PPFIA2: variants seen among roughly 807,000 people sequenced by gnomAD.
PPFIA2 encodes PPFI scaffold protein A2.
PPFIA2 carries 46 observed loss-of-function variants against 175.5 expected under a neutral mutation model. That is an observed-to-expected ratio of 0.26 (90% CI 0.21 to 0.34). PPFIA2 has a LOEUF of 0.34. Among genes scored for constraint, PPFIA2 ranks in the 10% least tolerant of loss-of-function variants. The pLI is 1.00. For missense variants in PPFIA2, 1,179 were observed against 1,506.1 expected (o/e 0.78, Z 3.60); for synonymous variants, 568 against 511.4 (o/e 1.11, Z -1.49).
chr12:81,471,107 CTTTATTTATTTATTTATTTATTTA>C (rs71098146), intron 4 of PPFIA2: 10 of 140,492 alleles, frequency 7.1e-5, no homozygotes, highest in African/African-American at 5.3e-5. Flanking sequence ...TTTGTCTTTC[CTTTATTTATTTATTTATTTATTTA>C]TTTATTTATT....
intron 16 of PPFIA2, among the ~76,000 whole-genome samples, chr12:81,355,794 G>C (rs1400145537): frequency 6.6e-6 from 1 of 152,154 alleles, no homozygotes; most frequent in Non-Finnish European, 1.5e-5. Context: ...TAAATGAGGA[G>C]AGTTATGGTC....
chr12:81,275,268 G>A (rs2040216303), intron 28 of PPFIA2, among the ~76,000 whole-genome samples: 1 of 152,154 alleles, frequency 6.6e-6, no homozygotes, highest in Admixed American at 6.5e-5. Flanking sequence ...TTTTGATAAT[G>A]GAAAAGCACT....
intron 27 of PPFIA2, among the ~76,000 whole-genome samples, chr12:81,278,653 C>T (rs755625108): frequency 6.6e-6 from 1 of 151,800 alleles, no homozygotes; most frequent in Non-Finnish European, 1.5e-5. Context: ...TTCAGTTCTG[C>T]CAAAATAGGG....
intron 8 of PPFIA2, among the ~76,000 whole-genome samples, chr12:81,385,187 T>A (rs1029250424): frequency 6.6e-6 from 1 of 152,118 alleles, no homozygotes; most frequent in Non-Finnish European, 1.5e-5. Context: ...GAATGGCTAT[T>A]AGCAAAAAGC....
At chr12:81,671,353 C>T in intron 4 of PPFIA2, among the ~76,000 whole-genome samples, 1 of 151,820 alleles carries the variant, frequency 6.6e-6, no homozygotes, top group Middle Eastern at 3.2e-3. Flanking sequence ...ACCTTACAGG[C>T]TTTTATTAAC....
chr12:81,292,268 C>G (rs1330290035), intron 24 of PPFIA2: 1 of 152,066 alleles, frequency 6.6e-6, no homozygotes, highest in African/African-American at 2.4e-5. Context: ...ACTCAGCAAA[C>G]TCTTCATCAG....
intron 8 of PPFIA2, among the ~76,000 whole-genome samples, chr12:81,402,089 CA>C (rs1190564203): frequency 6.6e-6 from 1 of 152,136 alleles, no homozygotes; most frequent in East Asian, 1.9e-4. Context: ...CGACACAAAA[CA>C]TCTTCTTTGG....
At chr12:81,486,982 T>C (rs1239641473) in intron 4 of PPFIA2, among the ~76,000 whole-genome samples, 1 of 151,952 alleles carries the variant, frequency 6.6e-6, no homozygotes, top group Non-Finnish European at 1.5e-5. Context: ...AGATTTCTTT[T>C]AAAAATACAT....
At chr12:81,376,089 AT>A (rs2036292238) in intron 9 of PPFIA2, 147 bp from the exon 10 acceptor site, 2 of 761,082 alleles carry the variant, frequency 2.6e-6, no homozygotes, top group Non-Finnish European at 4.1e-6. Flanking sequence ...CGAATGTGAG[AT>A]TGCAGGTGCA....
At chr12:81,520,521 CT>C (rs773944372) in intron 4 of PPFIA2, among the ~76,000 whole-genome samples, 3 of 152,186 alleles carry the variant, frequency 2.0e-5, no homozygotes, top group Admixed American at 6.5e-5. Flanking sequence ...GCAATAAACA[CT>C]TGTTCTTTCC....
intron 5 of PPFIA2, among the ~76,000 whole-genome samples, chr12:81,453,590 T>C (rs905161914): frequency 3.9e-5 from 6 of 152,142 alleles, no homozygotes; most frequent in African/African-American, 1.2e-4. Flanking sequence ...TTTATCAGTA[T>C]AAAAATATTG....
chr12:81,685,329 TGGGAGGCATAGAATAAGCAGGAAAC>T (rs1384206399), intron 3 of PPFIA2, among the ~76,000 whole-genome samples: 29 of 152,060 alleles, frequency 1.9e-4, no homozygotes, highest in African/African-American at 7.0e-4. Context: ...GTAAATTTCC[TGGGAGGCATAGAATAAGCAGGAAAC>T]ATACAGACCA....
intron 7 of PPFIA2, among the ~76,000 whole-genome samples, chr12:81,433,726 C>A (rs982343657): frequency 6.6e-6 from 1 of 151,922 alleles, no homozygotes; most frequent in African/African-American, 2.4e-5. Context: ...GTAGATAATG[C>A]AATTTGACAA....
At chr12:81,732,511 T>TA (rs1260554317) in intron 3 of PPFIA2, among the ~76,000 whole-genome samples, 6 of 105,476 alleles carry the variant, frequency 5.7e-5, no homozygotes, top group Non-Finnish European at 1.2e-4. Context: ...GATGTTTTTT[T>TA]TTAAAAAAAA....
intron 28 of PPFIA2, among the ~76,000 whole-genome samples, chr12:81,268,647 T>C (rs903511189): frequency 1.3e-5 from 2 of 152,216 alleles, no homozygotes; most frequent in African/African-American, 4.8e-5. Context: ...AGCACTTCAG[T>C]CGCGTAGAAC....
intron 4 of PPFIA2, among the ~76,000 whole-genome samples, chr12:81,596,510 A>C (rs1457577949): frequency 6.6e-6 from 1 of 152,114 alleles, no homozygotes; most frequent in Admixed American, 6.6e-5. Flanking sequence ...GTAGTTAAAA[A>C]TCGTTGCAGT....
At chr12:81,306,805 G>C (rs943051195) in intron 22 of PPFIA2, among the ~76,000 whole-genome samples, 1 of 152,014 alleles carries the variant, frequency 6.6e-6, no homozygotes, top group African/African-American at 2.4e-5. Context: ...GCTTCCCAAA[G>C]TGCTGGCATT....
At chr12:81,580,191 T>A (rs2074194716) in intron 4 of PPFIA2, among the ~76,000 whole-genome samples, 2 of 151,984 alleles carry the variant, frequency 1.3e-5, no homozygotes, top group East Asian at 3.9e-4. Flanking sequence ...TTCGTGCATG[T>A]CAAGCCTCAT....
At chr12:81,499,662 C>A (rs564606725) in intron 4 of PPFIA2, among the ~76,000 whole-genome samples, 1 of 147,172 alleles carries the variant, frequency 6.8e-6, no homozygotes, top group Admixed American at 6.7e-5. Context: ...GAAGAGTGGA[C>A]TTCAGTAGAA....
Sources: allele counts gnomAD v4.1 joint callset (sites outside exome capture counted in the v4.1 genomes callset), GRCh38; gene constraint gnomAD v4.1.1; transcripts MANE v1.5; gene names NCBI Gene and HGNC (gene_info 2026-07-23, HGNC 2026-07-21).